The following NUP155 variants were observed in gnomAD, a reference collection of about 807,000 sequenced individuals.
NUP155 encodes the protein nucleoporin 155.
Under a neutral mutation model 180.4 loss-of-function variants are expected in NUP155, and 71 were observed. The observed-to-expected ratio is 0.39, with a 90% confidence interval of 0.33 to 0.48. NUP155 has a LOEUF of 0.48. NUP155 is among the 20% of genes least tolerant of loss of function. The pLI is 0.91. For synonymous variants in NUP155, 582 were observed against 559.5 expected, an observed-to-expected ratio of 1.04 and a Z score of -0.57; for missense variants, 1,553 against 1,648.9, an observed-to-expected ratio of 0.94 and a Z score of 1.01.
At chr5:37,304,611 C>T in intron 27 of NUP155, 128 bp downstream of exon 27, 1 of 732,812 alleles carries the variant, frequency 1.4e-6, no homozygotes, top group Middle Eastern at 4.0e-4. Context: ...CATTACTCAG[C>T]TTTATACTAA....
rs776603001 is a variant in NUP155 at position 37,309,079 on chromosome 5, GTT to G, written c.2767+48_2767+49del. 5.7e-6 allele frequency: 9 copies of G among 1,588,578 alleles called. No individual in the cohort carries two copies. In the East Asian group the frequency reaches 2.0e-4, roughly 36 times the overall value. ...TAGCTTGCTTCATTCATACACTATTGTTTGTCTTTTGAGTTGAGTAAAAGATA... is the reference window on the plus strand; with the variant it reads ...TAGCTTGCTTCATTCATACACTATTGTGTCTTTTGAGTTGAGTAAAAGATA... On this transcript the variant is annotated intron_variant, in intron 24 of 34. Transcript: ENST00000231498.
At position 37,365,738 on chromosome 5, in the gene NUP155, A is replaced by AAT. The variant is rs1561818768; in HGVS notation, c.158-1356_158-1355dup. 1.0e-3 allele frequency among the ~76,000 whole-genome samples: 39 copies of AAT among 37,148 alleles called. 2 individuals carry two copies. The highest frequency in any genetic ancestry group is 2.4e-3 in the African/African-American group (22 of 9,270). The allele number at this position is 37,148 out of a possible 152,430, so 24.4% of individuals were successfully genotyped here. On this transcript the variant is annotated intron_variant, in intron 1 of 34. Coordinates refer to ENST00000231498, the MANE Select transcript of NUP155 (RefSeq NM_153485.3). Reference sequence around the variant, plus strand: ...GAAAAAAAAAAAAAAAAAAAAAAAAAATATATATATATATACACACACACA... The same window carrying AAT: ...GAAAAAAAAAAAAAAAAAAAAAAAAAATATATATATATATATACACACACACA...
rs1338705343 is a variant in NUP155, at chr5:37,312,543, A to C, written c.2436+1655T>G. On this transcript the variant is annotated intron_variant, in intron 22 of 34. Coordinates refer to ENST00000231498, the MANE Select transcript of NUP155 (RefSeq NM_153485.3). ...TGAGCAAACCCCTTAAACTGTTTAGATCCTGATTTGAATGAACCAATCTGT... is the reference window on the plus strand; with the variant it reads ...TGAGCAAACCCCTTAAACTGTTTAGCTCCTGATTTGAATGAACCAATCTGT... Among the ~76,000 whole-genome samples the C allele has an allele frequency of 2.0e-5, 3 of 152,218 alleles. No individual in the cohort carries two copies. In the East Asian group the frequency reaches 5.8e-4, roughly 29 times the overall value.
intron 29 of NUP155, 64 bp downstream of exon 29, chr5:37,302,715 G>T: frequency 6.5e-7 from 1 of 1,541,484 alleles, no homozygotes; most frequent in African/African-American, 1.4e-5. Flanking sequence ...GGGAAGAATG[G>T]AATGTGGAAT....
intron 31 of NUP155, 53 bp from the exon 32 acceptor site, chr5:37,299,031 G>A: frequency 1.1e-6 from 1 of 944,966 alleles, no homozygotes; most frequent in Non-Finnish European, 1.7e-6. Flanking sequence ...AATGTGAAAT[G>A]TTTACATTGG....
At chr5:37,356,038 C>T (rs1371384554) in intron 4 of NUP155, among the ~76,000 whole-genome samples, 29 of 148,244 alleles carry the variant, frequency 2.0e-4, no homozygotes, top group East Asian at 6.4e-4. Context: ...AAGACCAGCC[C>T]GACCAACATG....
At chr5:37,312,440 C>G (rs983866051) in intron 22 of NUP155, among the ~76,000 whole-genome samples, 2 of 150,590 alleles carry the variant, frequency 1.3e-5, no homozygotes, top group Non-Finnish European at 2.9e-5. Flanking sequence ...TGGATTTCTA[C>G]AAGGCAACAG....
At chr5:37,295,011 A>G (rs1379128095) in intron 32 of NUP155, among the ~76,000 whole-genome samples, 1 of 152,112 alleles carries the variant, frequency 6.6e-6, no homozygotes, top group East Asian at 1.9e-4. Flanking sequence ...AATTTTTTTT[A>G]GTAACAGTAT....
chr5:37,325,801 C>T (rs531186125), intron 19 of NUP155, 100 bp downstream of exon 19: 40 of 728,716 alleles, frequency 5.5e-5, no homozygotes, highest in Non-Finnish European at 8.5e-5. Flanking sequence ...ATAACCTTTG[C>T]CATCTTATTT....
intron 12 of NUP155, among the ~76,000 whole-genome samples, chr5:37,335,553 T>C (rs955784211): frequency 3.9e-5 from 6 of 152,204 alleles, no homozygotes; most frequent in African/African-American, 7.2e-5. Flanking sequence ...ATTTGTTTTA[T>C]TGTACTATTT....
chr5:37,325,021 C>T lies in NUP155; in HGVS notation c.2091+880G>A, dbSNP rs539708139. 7.9e-5 allele frequency among the ~76,000 whole-genome samples: 12 copies of T among 152,212 alleles called. No homozygotes were observed. In the South Asian group the frequency reaches 2.3e-3, roughly 29 times the overall value. Reference sequence around the variant, plus strand: ...AAAAAATCAGCTGGGCATGGTGGCGCGCACCTGTAATCCCAGCTACTCGTG... The same window carrying T: ...AAAAAATCAGCTGGGCATGGTGGCGTGCACCTGTAATCCCAGCTACTCGTG... On this transcript the variant is annotated intron_variant, in intron 19 of 34. Transcript: ENST00000231498.
In NUP155 at chr5:37,288,853, C is replaced by G. The variant is rs1742127910; in HGVS notation, c.*3047G>C. ...CCAAGGGGGGTGGATCACCTGAGGT[C>G]AGGAGTTCAAGACCAGCCTGACCAA... is the stretch of plus-strand genomic sequence containing the variant. On this transcript the variant is annotated 3_prime_UTR_variant, in exon 35 of 35. Coordinates refer to ENST00000231498, the MANE Select transcript of NUP155 (RefSeq NM_153485.3). 1.3e-5 allele frequency: 2 copies of G among 148,612 alleles called. No homozygotes were observed. Among genetic ancestry groups the G allele is most frequent in the African/African-American group, 5.0e-5 (2 of 39,930 alleles). The allele number at this position is 148,612 out of a possible 1,614,324, so 9.2% of individuals were successfully genotyped here.
At chr5:37,319,051 C>G (rs1482930491) in intron 20 of NUP155, among the ~76,000 whole-genome samples, 2 of 152,150 alleles carry the variant, frequency 1.3e-5, no homozygotes, top group Non-Finnish European at 2.9e-5. Flanking sequence ...ACATAAATCT[C>G]AAACATGAGC....
At chr5:37,356,229 CAA>C (rs35469429) in intron 4 of NUP155, among the ~76,000 whole-genome samples, 11 of 91,424 alleles carry the variant, frequency 1.2e-4, no homozygotes, top group Non-Finnish European at 8.6e-5. Context: ...AATTCCATCT[CAA>C]AAAAAAAAAA....
At position 37,330,043 on chromosome 5, in the gene NUP155, G is replaced by C. The variant is rs757376828; in HGVS notation, c.1719C>G (p.Phe573Leu). The C allele has an allele frequency of 1.2e-6, 2 of 1,611,386 alleles. No homozygotes were observed. The highest frequency in any genetic ancestry group is 8.5e-7 in the Non-Finnish European group (1 of 1,177,880). The change falls in exon 15 of 35, where the codon TTC becomes TTG. Residue 573 changes from phenylalanine (F) to leucine (L), a missense_variant. Coordinates refer to ENST00000231498, the MANE Select transcript of NUP155 (RefSeq NM_153485.3). The stretch of plus-strand genomic sequence containing the variant: ...CAAGAAAAACTTTCACATACCTAAA[G>C]AAAGCCCGAGTAGCCCAGGCAGATA... ...REVSAWATRA[F>L]FRYGGEAQMR...
intron 1 of NUP155, among the ~76,000 whole-genome samples, chr5:37,367,985 C>T (rs1463477037): frequency 6.6e-6 from 1 of 152,026 alleles, no homozygotes; most frequent in Non-Finnish European, 1.5e-5. Flanking sequence ...GGTTTTACCA[C>T]GTTGGTCAGG....
chr5:37,306,556 C>T (rs577872039), intron 25 of NUP155, among the ~76,000 whole-genome samples: 1 of 152,294 alleles, frequency 6.6e-6, no homozygotes, highest in South Asian at 2.1e-4. Context: ...CAGCCTCTGC[C>T]TCCCGGGTTA....
intron 3 of NUP155, among the ~76,000 whole-genome samples, chr5:37,360,254 C>T (rs913300780): frequency 1.1e-4 from 16 of 151,658 alleles, no homozygotes; most frequent in African/African-American, 3.9e-4. Flanking sequence ...GAGGCTGAGG[C>T]GGGTGGATCA....
rs2150949006 is a variant in NUP155 at position 37,310,568 on chromosome 5, T to A, written c.2612A>T (p.Asp871Val). 6.2e-7 allele frequency: 1 copy of A among 1,612,928 alleles called. No individual in the cohort carries two copies. The highest frequency in any genetic ancestry group is 2.2e-5 in the East Asian group (1 of 44,792). The change falls in exon 23 of 35, where the codon GAT becomes GTT. Residue 871 changes from aspartate to valine, a missense_variant. Physicochemically the swap from Asp to Val is radical, Grantham distance 152 (BLOSUM62 -3). Coordinates refer to ENST00000231498, the MANE Select transcript of NUP155 (RefSeq NM_153485.3). Reference sequence around the variant, plus strand: ...GTATCATACCTTAGAACAAATTGCATCATCAGTGCTATATAGAAGTGGGCA... The same window carrying A: ...GTATCATACCTTAGAACAAATTGCAACATCAGTGCTATATAGAAGTGGGCA... The part of the protein sequence containing the change: ...DICPLLYSTD[D>V]AICSKANELL...
Sources: allele counts gnomAD v4.1 joint callset (sites outside exome capture counted in the v4.1 genomes callset), GRCh38; gene constraint gnomAD v4.1.1; transcripts MANE v1.5; gene names NCBI Gene and HGNC (gene_info 2026-07-23, HGNC 2026-07-21).